COL11A1: variants seen among roughly 807,000 people sequenced by gnomAD.
COL11A1 encodes the protein collagen type XI alpha 1 chain.
Under a neutral mutation model 265.2 loss-of-function variants are expected in COL11A1, and 74 were observed. The ratio of observed to expected loss-of-function variants is 0.28; its 90% CI spans 0.23 to 0.34. The LOEUF is 0.34. COL11A1 is among the 10% of genes least tolerant of loss of function. COL11A1 has a pLI of 1.00. For missense variants in COL11A1, 2,165 were observed against 2,263.6 expected (o/e 0.96, Z 0.88); for synonymous variants, 816 against 727.6 (o/e 1.12, Z -1.96).
At chr1:102,927,751 T>C (rs964288885) in intron 46 of COL11A1, among the ~76,000 whole-genome samples, 4 of 152,228 alleles carry the variant, frequency 2.6e-5, no homozygotes, top group Non-Finnish European at 5.9e-5. Flanking sequence ...TGTAGTGTTC[T>C]ACAATTTAAT....
chr1:103,091,214 T>C (rs959615001), intron 1 of COL11A1, among the ~76,000 whole-genome samples: 4 of 152,124 alleles, frequency 2.6e-5, no homozygotes, highest in African/African-American at 7.2e-5. Context: ...TGTAATATTG[T>C]AGACCCTTTC....
At chr1:103,006,038 T>C in intron 17 of COL11A1, 30 bp downstream of exon 17, 1 of 1,613,016 alleles carries the variant, frequency 6.2e-7, no homozygotes, top group Non-Finnish European at 8.5e-7. Context: ...TGACACAGGA[T>C]GTGAATATAA....
At chr1:102,935,894 C>T (rs910911373) in intron 44 of COL11A1, among the ~76,000 whole-genome samples, 3 of 152,096 alleles carry the variant, frequency 2.0e-5, no homozygotes, top group African/African-American at 7.2e-5. Context: ...CATAACTCTT[C>T]TCATAACAAC....
chr1:103,032,718 ATTCT>A (rs1557973636), intron 4 of COL11A1, among the ~76,000 whole-genome samples: 1 of 152,014 alleles, frequency 6.6e-6, no homozygotes, highest in Non-Finnish European at 1.5e-5. Context: ...TATTTGTATC[ATTCT>A]TTCTTCTGTC....
chr1:102,884,610 A>C (rs1650719409), intron 63 of COL11A1: 1 of 152,366 alleles, frequency 6.6e-6, no homozygotes. Flanking sequence ...CTGACGCCTC[A>C]AGTGAGCATG....
intron 31 of COL11A1, among the ~76,000 whole-genome samples, chr1:102,981,074 A>G (rs1178722770): frequency 6.6e-6 from 1 of 152,198 alleles, no homozygotes; most frequent in Non-Finnish European, 1.5e-5. Flanking sequence ...ATAAAATTGT[A>G]TGTGATGCCC....
At chr1:102,947,655 T>C (rs1659440460) in intron 41 of COL11A1, among the ~76,000 whole-genome samples, 1 of 152,014 alleles carries the variant, frequency 6.6e-6, no homozygotes. Context: ...TTTAACTAGT[T>C]TGCTTTTTTA....
chr1:102,905,074 G>C (rs1019468358), intron 54 of COL11A1, among the ~76,000 whole-genome samples: 2 of 151,434 alleles, frequency 1.3e-5, no homozygotes, highest in Admixed American at 1.3e-4. Context: ...TCCTTTGTAG[G>C]GACATGGATG....
At chr1:103,050,813 T>A (rs1370943976) in intron 4 of COL11A1, among the ~76,000 whole-genome samples, 1 of 152,214 alleles carries the variant, frequency 6.6e-6, no homozygotes, top group Non-Finnish European at 1.5e-5. Flanking sequence ...TAGTTTTCCT[T>A]CTAACAGACA....
rs1267915062 is a variant in COL11A1 at position 103,064,155 on chromosome 1, GT to G, written c.651+10462del. Among the ~76,000 whole-genome samples the G allele has an allele frequency of 4.6e-5, 7 of 152,230 alleles. 1 individual carries two copies. The Middle Eastern group carries it at 0.014, about 296-fold the overall frequency. Reference sequence around the variant, plus strand: ...GTTTATTTAGCAAGACAGTTTGGCAGTTTCTCATAAAACAAAGCATATTCAT... The same window carrying G: ...GTTTATTTAGCAAGACAGTTTGGCAGTTCTCATAAAACAAAGCATATTCAT... On this transcript the variant is annotated intron_variant, in intron 4 of 66. Coordinates refer to ENST00000370096, the MANE Select transcript of COL11A1 (RefSeq NM_001854.4).
chr1:102,981,197 A>G (rs1313022818), intron 31 of COL11A1, among the ~76,000 whole-genome samples: 1 of 152,136 alleles, frequency 6.6e-6, no homozygotes, highest in Non-Finnish European at 1.5e-5. Context: ...CTTGTGATCA[A>G]CCTGAGAACA....
chr1:102,995,900 A>T lies in COL11A1; in HGVS notation c.2304T>A (p.Asp768Glu), dbSNP rs1039841585. ...YPGPRGVKGA[D>E]GVRGLKGSKG... The stretch of plus-strand genomic sequence containing the variant: ...TAGATCCCTTGAGACCTCTGACACC[A>T]TCTGCTCCCTGTGGAATAAATTAGA... Residue 768 changes from aspartate (D) to glutamate (E), a missense_variant, in exon 28 of 67, where the codon GAT (aspartate) becomes GAA (glutamate). Transcript: ENST00000370096. 2.5e-6 allele frequency: 4 copies of T among 1,611,934 alleles called. No homozygotes were observed. The Admixed American group carries it at 6.7e-5, about 27-fold the overall frequency.
intron 42 of COL11A1, among the ~76,000 whole-genome samples, chr1:102,943,019 C>T (rs1007183407): frequency 1.3e-5 from 2 of 152,060 alleles, no homozygotes; most frequent in Non-Finnish European, 2.9e-5. Flanking sequence ...TAGCTCCCAA[C>T]CCACTTCTGG....
At chr1:103,069,605 A>C (rs1171138625) in intron 4 of COL11A1, among the ~76,000 whole-genome samples, 3 of 152,006 alleles carry the variant, frequency 2.0e-5, no homozygotes, top group African/African-American at 7.2e-5. Context: ...TAAGAAAACA[A>C]AAAAAAGGCA....
chr1:103,001,305 A>AGATTAATT, intron 24 of COL11A1: 1 of 396,554 alleles, frequency 2.5e-6, no homozygotes, highest in Non-Finnish European at 4.4e-6. Flanking sequence ...TTTAATTAAT[A>AGATTAATT]TGTTTGTAGA....
rs1444158476 is a variant in COL11A1 at position 103,078,741 on chromosome 1, A to T, written c.405T>A (p.Pro135=). The stretch of plus-strand genomic sequence containing the variant: ...CAGTGTGGTCTTCAAACAGAAAAAC[A>T]GGTGATCTCCCAACCTCAACACCAA... The part of the protein sequence containing the change: ...QQIGVEVGRS[P]VFLFEDHTGK... Residue 135 remains proline, a synonymous_variant, in exon 3 of 67, where the codon CCT becomes CCA. Transcript: ENST00000370096. The T allele has an allele frequency of 6.2e-7, 1 of 1,613,492 alleles. No homozygotes were observed.
intron 37 of COL11A1, among the ~76,000 whole-genome samples, chr1:102,967,309 C>T (rs373059200): frequency 8.0e-6 from 1 of 125,040 alleles, no homozygotes; most frequent in Non-Finnish European, 1.6e-5. Context: ...GGCGCGATCT[C>T]GGCTCACTGC....
intron 4 of COL11A1, among the ~76,000 whole-genome samples, chr1:103,060,281 T>C (rs1670569490): frequency 6.6e-6 from 1 of 152,036 alleles, no homozygotes; most frequent in African/African-American, 2.4e-5. Flanking sequence ...GAAGGAGAAA[T>C]ATAGACTTTC....
chr1:103,074,591 T>G (rs1402349437), intron 4 of COL11A1, 27 bp downstream of exon 4: 1 of 1,611,302 alleles, frequency 6.2e-7, no homozygotes. Context: ...TTGTCAATAT[T>G]CAGCTTAGAG....
Sources: allele counts gnomAD v4.1 joint callset (sites outside exome capture counted in the v4.1 genomes callset), GRCh38; gene constraint gnomAD v4.1.1; transcripts MANE v1.5; gene names NCBI Gene and HGNC (gene_info 2026-07-23, HGNC 2026-07-21).